DNAH9: variants seen among roughly 807,000 people sequenced by gnomAD.
DNAH9 encodes dynein axonemal heavy chain 9.
DNAH9 carries 345 observed loss-of-function variants against 471.6 expected under a neutral mutation model. The ratio of observed to expected loss-of-function variants is 0.73; its 90% CI spans 0.67 to 0.80. The LOEUF (loss-of-function observed/expected upper bound fraction) is 0.80, where lower values mean the gene tolerates loss of function less well. Among genes scored for constraint, DNAH9 ranks in the 30% least tolerant of loss-of-function variants. The pLI is 0.00. For synonymous variants in DNAH9, 2,093 were observed against 2,123.6 expected, an observed-to-expected ratio of 0.99 and a Z score of 0.40; for missense variants, 5,407 against 5,609.2, an observed-to-expected ratio of 0.96 and a Z score of 1.15.
At chr17:11,816,109 A>C (rs559590349) in intron 45 of DNAH9, among the ~76,000 whole-genome samples, 32 of 147,774 alleles carry the variant, frequency 2.2e-4, no homozygotes, top group Non-Finnish European at 3.1e-4. Flanking sequence ...TGTCACTCTT[A>C]GGAATGAGTT....
intron 20 of DNAH9, among the ~76,000 whole-genome samples, chr17:11,690,972 C>A (rs1457208538): frequency 1.3e-5 from 2 of 152,266 alleles, no homozygotes; most frequent in African/African-American, 4.8e-5. Context: ...TTGATTGCCC[C>A]TTCTAATTAG....
At chr17:11,903,163 A>AC (rs1459647474) in intron 60 of DNAH9, among the ~76,000 whole-genome samples, 11 of 151,968 alleles carry the variant, frequency 7.2e-5, no homozygotes, top group Admixed American at 5.2e-4. Flanking sequence ...AGATGGTGAA[A>AC]CCCCGTCTCT....
chr17:11,831,100 C>G (rs535027922), intron 48 of DNAH9, among the ~76,000 whole-genome samples: 1 of 152,254 alleles, frequency 6.6e-6, no homozygotes, highest in Non-Finnish European at 1.5e-5. Context: ...ATGGACACAG[C>G]GTAAGCAGGA....
intron 49 of DNAH9, among the ~76,000 whole-genome samples, chr17:11,847,010 T>C (rs1269917722): frequency 6.6e-6 from 1 of 151,962 alleles, no homozygotes; most frequent in Non-Finnish European, 1.5e-5. Context: ...TTCTCCTGCC[T>C]AATTGCCCTG....
intron 9 of DNAH9, among the ~76,000 whole-genome samples, chr17:11,637,472 C>A (rs953510765): frequency 6.6e-6 from 1 of 152,130 alleles, no homozygotes; most frequent in Non-Finnish European, 1.5e-5. Context: ...ATGGTGCGAA[C>A]CCCTAGTCCT....
At chr17:11,827,164 C>T (rs149995680) in intron 48 of DNAH9, among the ~76,000 whole-genome samples, 2 of 152,124 alleles carry the variant, frequency 1.3e-5, no homozygotes, top group African/African-American at 4.8e-5. Flanking sequence ...ACACTTCTTA[C>T]CTGGATGATT....
At chr17:11,716,397 C>A (rs1274731111) in intron 26 of DNAH9, among the ~76,000 whole-genome samples, 1 of 151,886 alleles carries the variant, frequency 6.6e-6, no homozygotes, top group Admixed American at 6.6e-5. Context: ...TTCTTTTTTG[C>A]GTTTTTTTTC....
chr17:11,818,218 C>G (rs112101827), intron 45 of DNAH9, among the ~76,000 whole-genome samples: 1 of 152,168 alleles, frequency 6.6e-6, no homozygotes, highest in Non-Finnish European at 1.5e-5. Flanking sequence ...ATCACAAGGT[C>G]AGGAGATCGA....
intron 3 of DNAH9, among the ~76,000 whole-genome samples, chr17:11,611,327 G>A (rs974451200): frequency 5.3e-5 from 8 of 152,200 alleles, no homozygotes; most frequent in Non-Finnish European, 1.2e-4. Flanking sequence ...CCTTCTCTTA[G>A]CACCCTTGCT....
intron 27 of DNAH9, among the ~76,000 whole-genome samples, chr17:11,724,278 T>C (rs2075115012): frequency 6.6e-6 from 1 of 152,148 alleles, no homozygotes; most frequent in South Asian, 2.1e-4. Flanking sequence ...TTGAACACTA[T>C]AACTTATTTC....
chr17:11,734,201 C>G (rs1195363550), intron 28 of DNAH9, among the ~76,000 whole-genome samples: 1 of 152,124 alleles, frequency 6.6e-6, no homozygotes, highest in Non-Finnish European at 1.5e-5. Context: ...AGGCCCCACC[C>G]CAGACCTGCT....
At chr17:11,685,142 T>C (rs1470468023) in intron 19 of DNAH9, among the ~76,000 whole-genome samples, 3 of 152,150 alleles carry the variant, frequency 2.0e-5, no homozygotes, top group Non-Finnish European at 4.4e-5. Context: ...GGCATGCACA[T>C]TGGGCACCAG....
At chr17:11,787,454 CCCTT>C (rs1968913051) in intron 41 of DNAH9, among the ~76,000 whole-genome samples, 1 of 152,192 alleles carries the variant, frequency 6.6e-6, no homozygotes, top group South Asian at 2.1e-4. Context: ...ATTTAACACT[CCCTT>C]CCTCCTTGAG....
chr17:11,618,148 T>C lies in DNAH9; in HGVS notation c.1116+526T>C, dbSNP rs543760133. ...GTGATTTGAGGCTTCCATGTGATAA[T>C]GCATGTGCCCTGCACATGGTAAGAA... is the stretch of plus-strand genomic sequence containing the variant. On this transcript the variant is annotated intron_variant, in intron 5 of 68. Coordinates refer to ENST00000262442, the MANE Select transcript of DNAH9 (RefSeq NM_001372.4). Among the ~76,000 whole-genome samples, 3 of 152,346 alleles carry C rather than the reference T, an allele frequency of 2.0e-5. No homozygotes were observed. In the South Asian group the frequency reaches 6.2e-4, roughly 32 times the overall value.
At position 11,903,681 on chromosome 17, in the gene DNAH9, C is replaced by T. The variant is rs1026848899; in HGVS notation, c.11600+769C>T. Among the ~76,000 whole-genome samples the T allele has an allele frequency of 2.0e-5, 3 of 152,110 alleles. No individual in the cohort carries two copies. The South Asian group carries it at 6.2e-4, about 32-fold the overall frequency. ...ATCCCAGCACTTTGGGAGGCTGAGGCGGCGGATCGCTTAAGGTCAGGAGTT... is the reference window on the plus strand; with the variant it reads ...ATCCCAGCACTTTGGGAGGCTGAGGTGGCGGATCGCTTAAGGTCAGGAGTT... On this transcript the variant is annotated intron_variant, in intron 60 of 68. Transcript: ENST00000262442.
chr17:11,816,826 G>T (rs969084479), intron 45 of DNAH9, among the ~76,000 whole-genome samples: 4 of 152,148 alleles, frequency 2.6e-5, no homozygotes, highest in Non-Finnish European at 5.9e-5. Context: ...TCCAAGTACT[G>T]CATGAAGCCT....
At position 11,680,773 on chromosome 17, in the gene DNAH9, G is replaced by T; in HGVS notation, c.3627G>T (p.Lys1209Asn). Residue 1209 changes from lysine (K) to asparagine (N), a missense_variant, in exon 19 of 69, where the codon AAG becomes AAT. Transcript: ENST00000262442. Reference protein sequence around the residue: ...NNIKKVAITVKQQVAPLQANE... With the variant: ...NNIKKVAITVNQQVAPLQANE... ...TAAAAAAGGTGGCCATTACTGTGAA[G>T]CAGCAGGTGGCCCCACTGCAGGCAA... The T allele has an allele frequency of 6.2e-7, 1 of 1,614,024 alleles. No homozygotes were observed. The highest frequency in any genetic ancestry group is 8.5e-7 in the Non-Finnish European group (1 of 1,179,940).
intron 63 of DNAH9, among the ~76,000 whole-genome samples, chr17:11,931,789 C>A (rs1974517648): frequency 6.6e-6 from 1 of 152,116 alleles, no homozygotes; most frequent in African/African-American, 2.4e-5. Context: ...AAACTTGAAC[C>A]CTAAACCAAA....
At chr17:11,871,465 A>C in intron 51 of DNAH9, 133 bp from the exon 52 acceptor site, 1 of 760,184 alleles carries the variant, frequency 1.3e-6, no homozygotes, top group South Asian at 1.8e-5. Context: ...CCATTAACGG[A>C]AAGGGCCATA....
Sources: allele counts gnomAD v4.1 joint callset (sites outside exome capture counted in the v4.1 genomes callset), GRCh38; gene constraint gnomAD v4.1.1; transcripts MANE v1.5; gene names NCBI Gene and HGNC (gene_info 2026-07-23, HGNC 2026-07-21).